VGLL1: variants seen among roughly 807,000 people sequenced by gnomAD.
VGLL1 encodes the protein vestigial like family member 1.
In VGLL1, 4 loss-of-function variants were observed where a neutral mutation model predicts 12.0. The observed-to-expected ratio is 0.33, with a 90% CI of 0.16 to 0.76. The LOEUF is 0.76. Among genes scored for constraint, VGLL1 ranks in the 30% least tolerant of loss-of-function variants. The probability of loss-of-function intolerance (pLI) is 0.60; values close to 1 mark genes in which losing one functional copy is unlikely to be tolerated. For synonymous variants in VGLL1, 87 were observed against 81.2 expected (o/e 1.07, Z -0.39); for missense variants, 204 against 208.7 (o/e 0.98, Z 0.14).
chrX:136,537,536 C>T (rs2075843348), intron 2 of VGLL1, among the ~76,000 whole-genome samples: 1 of 111,583 alleles, frequency 9.0e-6, no homozygotes, highest in Non-Finnish European at 1.9e-5. Context: ...CAACTATTTA[C>T]TGTAATCATT....
intron 3 of VGLL1, among the ~76,000 whole-genome samples, chrX:136,549,969 T>G (rs1912796229): frequency 8.9e-6 from 1 of 112,186 alleles, no homozygotes; most frequent in Admixed American, 9.5e-5. Flanking sequence ...TGAAAGAAAT[T>G]ACTAGAAGCC....
At chrX:136,546,405 T>C (rs1569361703) in intron 2 of VGLL1, among the ~76,000 whole-genome samples, 1 of 111,551 alleles carries the variant, frequency 9.0e-6, no homozygotes, top group South Asian at 3.8e-4. Flanking sequence ...GAATGATGTG[T>C]TTCCCCAGGC....
At chrX:136,552,678 C>T (rs1472595798) in intron 4 of VGLL1, among the ~76,000 whole-genome samples, 1 of 111,632 alleles carries the variant, frequency 9.0e-6, no homozygotes, top group Non-Finnish European at 1.9e-5. Flanking sequence ...AATGAATATC[C>T]CCATTTTATA....
chrX:136,556,698 A>G lies in VGLL1; in HGVS notation c.*159A>G, dbSNP rs886277929. The G allele has an allele frequency of 1.4e-5, 6 of 434,139 alleles. No homozygotes were observed. The African/African-American group carries it at 1.5e-4, about 11-fold the overall frequency. The allele number at this position is 434,139 out of a possible 1,213,427, so 35.8% of individuals were successfully genotyped here. A position where few individuals can be genotyped will look rare whatever the true frequency, so the allele number is the denominator to read the frequency against. On this transcript the variant is annotated 3_prime_UTR_variant, in exon 5 of 5. Transcript: ENST00000370634. ...TATGAGCTCAGTACTTGCCCTGTGA[A>G]AATCCCAGAAGCCCCCGCTGTCAAT...
chrX:136,539,405 C>G (rs1218809062), intron 2 of VGLL1, among the ~76,000 whole-genome samples: 1 of 111,746 alleles, frequency 8.9e-6, no homozygotes, highest in Non-Finnish European at 1.9e-5. Context: ...TCGCTCTTAT[C>G]AAGGTTACCC....
intron 2 of VGLL1, among the ~76,000 whole-genome samples, chrX:136,538,717 C>T (rs2075847253): frequency 8.9e-6 from 1 of 112,653 alleles, no homozygotes; most frequent in Admixed American, 9.3e-5. Flanking sequence ...CTTTTTGGGA[C>T]TGGAGAGGGA....
chrX:136,550,856 C>A (rs1340725971), intron 4 of VGLL1, 35 bp downstream of exon 4: 1 of 1,163,988 alleles, frequency 8.6e-7, no homozygotes, highest in Non-Finnish European at 1.2e-6. Context: ...TGGTGTGTGT[C>A]TGTATCCTGA....
At chrX:136,535,904 C>T in intron 1 of VGLL1, 92 bp from the exon 2 acceptor site, 2 of 732,195 alleles carry the variant, frequency 2.7e-6, no homozygotes, top group South Asian at 2.6e-5. Context: ...CTGGTGGGAG[C>T]AAATTGCTTG....
At chrX:136,552,840 T>C (rs1205247927) in intron 4 of VGLL1, among the ~76,000 whole-genome samples, 1 of 111,888 alleles carries the variant, frequency 8.9e-6, no homozygotes, top group East Asian at 2.8e-4. Context: ...CAGTGAAAAT[T>C]AGTCACTGGT....
At chrX:136,542,768 G>A (rs1452205971) in intron 2 of VGLL1, among the ~76,000 whole-genome samples, 4 of 112,279 alleles carry the variant, frequency 3.6e-5, no homozygotes, top group Non-Finnish European at 7.5e-5. Flanking sequence ...TCGATCTCCA[G>A]AGCCAGTCTC....
intron 4 of VGLL1, among the ~76,000 whole-genome samples, chrX:136,553,504 G>T (rs1188497059): frequency 2.7e-5 from 3 of 110,507 alleles, no homozygotes; most frequent in Non-Finnish European, 5.7e-5. Context: ...TAGAGATGGG[G>T]TTTCCCCATG....
rs769583709 is a variant in VGLL1 at position 136,548,828 on chromosome X, G to A, written c.454G>A (p.Ala152Thr). ...LEPGYSHPFPARHLVPEPQPD... is the reference protein window; with the variant it reads ...LEPGYSHPFPTRHLVPEPQPD... ...GCCTGGCTACTCTCATCCCTTCCCCGCTCGGCACCTGGTTCCAGAGCCCCA... is the reference window on the plus strand; with the variant it reads ...GCCTGGCTACTCTCATCCCTTCCCCACTCGGCACCTGGTTCCAGAGCCCCA... Residue 152 changes from alanine to threonine, a missense_variant, in exon 3 of 5, where the codon GCT (alanine) becomes ACT (threonine). Coordinates refer to ENST00000370634, the MANE Select transcript of VGLL1 (RefSeq NM_016267.4). The A allele has an allele frequency of 2.6e-5, 32 of 1,210,413 alleles. 1 individual carries two copies. In the East Asian group the frequency reaches 5.6e-4, roughly 21 times the overall value.
intron 4 of VGLL1, among the ~76,000 whole-genome samples, chrX:136,554,075 C>G (rs1862097534): frequency 8.9e-6 from 1 of 112,078 alleles, no homozygotes; most frequent in South Asian, 3.8e-4. Context: ...ATAAAATTGT[C>G]TTGGTCCCTG....
intron 2 of VGLL1, among the ~76,000 whole-genome samples, chrX:136,539,613 T>C (rs2075850228): frequency 9.0e-6 from 1 of 111,658 alleles, no homozygotes; most frequent in African/African-American, 3.3e-5. Flanking sequence ...TTGCTATATG[T>C]CCTTCTCTCT....
intron 2 of VGLL1, among the ~76,000 whole-genome samples, chrX:136,542,976 T>C (rs2075860459): frequency 8.9e-6 from 1 of 112,069 alleles, no homozygotes; most frequent in Admixed American, 9.4e-5. Context: ...TGGTTAACTC[T>C]ATGTCCATTT....
intron 2 of VGLL1, among the ~76,000 whole-genome samples, chrX:136,537,667 T>C (rs1290565934): frequency 9.0e-6 from 1 of 111,293 alleles, no homozygotes; most frequent in African/African-American, 3.3e-5. Flanking sequence ...TCATGAAATT[T>C]TCCCGCCTTA....
At chrX:136,543,919 G>T (rs777431872) in intron 2 of VGLL1, among the ~76,000 whole-genome samples, 26 of 112,094 alleles carry the variant, frequency 2.3e-4, no homozygotes, top group African/African-American at 8.4e-4. Context: ...GTGTCAAGTG[G>T]TTTCTTACGT....
At chrX:136,542,330 C>A (rs956262094) in intron 2 of VGLL1, among the ~76,000 whole-genome samples, 1 of 112,116 alleles carries the variant, frequency 8.9e-6, no homozygotes, top group African/African-American at 3.2e-5. Context: ...TCTATCTGCA[C>A]AAACATATAT....
intron 3 of VGLL1, among the ~76,000 whole-genome samples, chrX:136,549,591 C>T (rs1277291614): frequency 9.1e-6 from 1 of 109,968 alleles, no homozygotes; most frequent in Non-Finnish European, 1.9e-5. Context: ...GCTTGGTTTC[C>T]CTTGGGTTCC....
Sources: allele counts gnomAD v4.1 joint callset (sites outside exome capture counted in the v4.1 genomes callset), GRCh38; gene constraint gnomAD v4.1.1; transcripts MANE v1.5; gene names NCBI Gene and HGNC (gene_info 2026-07-23, HGNC 2026-07-21).